HOMEZ: variants seen among roughly 807,000 people sequenced by gnomAD.
HOMEZ encodes the protein homeobox and leucine zipper protein Homez.
In HOMEZ, 20 loss-of-function variants were observed where a neutral mutation model predicts 50.1. The ratio of observed to expected loss-of-function variants is 0.40; its 90% CI spans 0.28 to 0.58. The LOEUF (loss-of-function observed/expected upper bound fraction) is 0.58, where lower values mean the gene tolerates loss of function less well. HOMEZ is among the 20% of genes least tolerant of loss of function. The pLI is 0.46. For synonymous variants in HOMEZ, 239 were observed against 254.7 expected, an observed-to-expected ratio of 0.94 and a Z score of 0.59; for missense variants, 579 against 680.5, an observed-to-expected ratio of 0.85 and a Z score of 1.66.
chr14:23,275,591 A>ACATCAT lies in HOMEZ; in HGVS notation c.1631_1636dup (p.Asp544_Asp545dup), dbSNP rs148005528. 2 of 1,497,932 alleles carry ACATCAT rather than the reference A, an allele frequency of 1.3e-6. No homozygotes were observed. Among genetic ancestry groups the ACATCAT allele is most frequent in the Non-Finnish European group, 1.8e-6 (2 of 1,108,626 alleles). The allele number at this position is 1,497,932 out of a possible 1,614,324, so 92.8% of individuals were successfully genotyped here. On this transcript the variant is annotated inframe_insertion, in exon 2 of 2. Transcript: ENST00000357460. ...GCTCCCCACTCAGTCTTGTATGATC[A>ACATCAT]CATCATCATCATCATCATCATCATC...
chr14:23,285,767 A>C, intron 1 of HOMEZ, 146 bp downstream of exon 1: 1 of 441,860 alleles, frequency 2.3e-6, no homozygotes, highest in Non-Finnish European at 3.8e-6. Flanking sequence ...AGGGGAGGGA[A>C]CCGAAAAGTC....
intron 1 of HOMEZ, among the ~76,000 whole-genome samples, chr14:23,280,901 G>C (rs574794192): frequency 6.6e-6 from 1 of 151,214 alleles, no homozygotes; most frequent in African/African-American, 2.4e-5. Flanking sequence ...AGCCTCCTGA[G>C]TAGCTAGGAC....
chr14:23,280,735 ATTTTATTATT>A lies in HOMEZ; in HGVS notation c.41-3558_41-3549del, dbSNP rs1231606086. Among the ~76,000 whole-genome samples, 708 of 78,446 alleles carry A rather than the reference ATTTTATTATT, an allele frequency of 9.0e-3. 13 individuals carry two copies. Among genetic ancestry groups the A allele is most frequent in the African/African-American group, 0.032 (627 of 19,688 alleles). The allele number at this position is 78,446 out of a possible 152,430, so 51.5% of individuals were successfully genotyped here. On this transcript the variant is annotated intron_variant, in intron 1 of 1. Transcript: ENST00000357460. ...TTTTTATTTTATTTTATTTTATTTTATTTTATTATTTTATTTTATTTTATTTTATTTTATT... is the reference window on the plus strand; with the variant it reads ...TTTTTATTTTATTTTATTTTATTTTATTATTTTATTTTATTTTATTTTATT...
chr14:23,275,560 C>T lies in HOMEZ; in HGVS notation c.*15G>A, dbSNP rs894021733. ...CATCTTTCAGTAACAGACCTCCCCT[C>T]CCCCAGCTCCCCACTCAGTCTTGTA... On this transcript the variant is annotated 3_prime_UTR_variant, in exon 2 of 2. Transcript: ENST00000357460. The T allele has an allele frequency of 4.6e-6, 7 of 1,534,418 alleles. No individual in the cohort carries two copies. The highest frequency in any genetic ancestry group is 5.3e-6 in the Non-Finnish European group (6 of 1,137,388).
chr14:23,283,034 A>C (rs1018465764), intron 1 of HOMEZ, among the ~76,000 whole-genome samples: 1 of 152,244 alleles, frequency 6.6e-6, no homozygotes, highest in Non-Finnish European at 1.5e-5. Context: ...AATCAAAATC[A>C]TAATAAAGAC....
intron 1 of HOMEZ, among the ~76,000 whole-genome samples, chr14:23,281,247 C>T (rs1886549583): frequency 1.3e-5 from 2 of 152,120 alleles, no homozygotes; most frequent in Admixed American, 6.5e-5. Flanking sequence ...TACGTGTCAC[C>T]ATTTCCTTTT....
At chr14:23,280,062 C>G (rs1886456931) in intron 1 of HOMEZ, among the ~76,000 whole-genome samples, 1 of 152,120 alleles carries the variant, frequency 6.6e-6, no homozygotes, top group South Asian at 2.1e-4. Flanking sequence ...GCCCAGCCCC[C>G]CTTTTTTCTT....
At chr14:23,281,317 G>C (rs1886551390) in intron 1 of HOMEZ, among the ~76,000 whole-genome samples, 1 of 152,138 alleles carries the variant, frequency 6.6e-6, no homozygotes, top group Non-Finnish European at 1.5e-5. Context: ...TGCTTGAAGA[G>C]CCCCTTAAGA....
At chr14:23,279,479 G>T (rs562948870) in intron 1 of HOMEZ, among the ~76,000 whole-genome samples, 7 of 152,296 alleles carry the variant, frequency 4.6e-5, no homozygotes, top group Middle Eastern at 3.4e-3. Context: ...GGGGAAAATG[G>T]TTATGGCAGA....
At position 23,272,873 on chromosome 14, in the gene HOMEZ, A is replaced by G; in HGVS notation, c.*2702T>C. On this transcript the variant is annotated 3_prime_UTR_variant, in exon 2 of 2. Coordinates refer to ENST00000357460, the MANE Select transcript of HOMEZ (RefSeq NM_020834.3). ...TGGGATTACCCAGTGGGAGAGAAGC[A>G]TGGACCACTTCTAGATAGATCATCT... is the stretch of plus-strand genomic sequence containing the variant. 1 of 1,544,382 alleles carries G rather than the reference A, an allele frequency of 6.5e-7. No individual in the cohort carries two copies. Among genetic ancestry groups the G allele is most frequent in the Admixed American group, 2.0e-5 (1 of 50,660 alleles).
At position 23,285,012 on chromosome 14, in the gene HOMEZ, T is replaced by C. The variant is rs1207540311; in HGVS notation, c.40+901A>G. 5 of 152,154 alleles carry C rather than the reference T, an allele frequency of 3.3e-5. No individual in the cohort carries two copies. The East Asian group carries it at 5.8e-4, about 18-fold the overall frequency. The allele number at this position is 152,154 out of a possible 1,614,324, so 9.4% of individuals were successfully genotyped here. On this transcript the variant is annotated intron_variant, in intron 1 of 1. Coordinates refer to ENST00000357460, the MANE Select transcript of HOMEZ (RefSeq NM_020834.3). ...CTCAGGGTACAGCCAGGTTTGAGAC[T>C]CCCTGTGTAGTTAATACTGGAAAGA...
rs544617092 is a variant in HOMEZ at position 23,272,588 on chromosome 14, A to G, written c.*2987T>C. On this transcript the variant is annotated 3_prime_UTR_variant, in exon 2 of 2. Coordinates refer to ENST00000357460, the MANE Select transcript of HOMEZ (RefSeq NM_020834.3). ...GATTTTCCAAAATAGTTTAATTTTC[A>G]AATATTCATCCTTATTATTATCACC... 4.9e-4 allele frequency: 256 copies of G among 523,784 alleles called. No individual in the cohort carries two copies. Among genetic ancestry groups the G allele is most frequent in the Admixed American group, 1.1e-3 (32 of 28,392 alleles). The allele number at this position is 523,784 out of a possible 1,614,324, so 32.4% of individuals were successfully genotyped here.
In HOMEZ at chr14:23,275,342, C is replaced by G; in HGVS notation, c.*233G>C. 1.8e-6 allele frequency: 1 copy of G among 555,354 alleles called. No individual in the cohort carries two copies. The allele number at this position is 555,354 out of a possible 1,614,324, so 34.4% of individuals were successfully genotyped here. On this transcript the variant is annotated 3_prime_UTR_variant, in exon 2 of 2. Coordinates refer to ENST00000357460, the MANE Select transcript of HOMEZ (RefSeq NM_020834.3). ...TTCCCCAGATCCTTAGCACTCCCTACCCTAAGGTTAGAGGGTTGGATTTCT... is the reference window on the plus strand; with the variant it reads ...TTCCCCAGATCCTTAGCACTCCCTAGCCTAAGGTTAGAGGGTTGGATTTCT...
At chr14:23,282,591 G>C (rs777655386) in intron 1 of HOMEZ, among the ~76,000 whole-genome samples, 2 of 151,808 alleles carry the variant, frequency 1.3e-5, no homozygotes, top group Non-Finnish European at 2.9e-5. Flanking sequence ...CCTCATTTGT[G>C]TCCTATTATA....
rs1225667708 is a variant in HOMEZ at position 23,273,296 on chromosome 14, T to C, written c.*2279A>G. 6.4e-6 allele frequency: 1 copy of C among 155,532 alleles called. No homozygotes were observed. Among genetic ancestry groups the C allele is most frequent in the Admixed American group, 6.4e-5 (1 of 15,612 alleles). The allele number at this position is 155,532 out of a possible 1,614,324, so 9.6% of individuals were successfully genotyped here. On this transcript the variant is annotated 3_prime_UTR_variant, in exon 2 of 2. Coordinates refer to ENST00000357460, the MANE Select transcript of HOMEZ (RefSeq NM_020834.3). ...TGGATATACTGTCCCATTGCCAATG[T>C]TAACGAGCAATATCTCTGTTCTTTT...
chr14:23,278,301 G>C (rs1015763615), intron 1 of HOMEZ, among the ~76,000 whole-genome samples: 1 of 152,068 alleles, frequency 6.6e-6, no homozygotes, highest in Non-Finnish European at 1.5e-5. Flanking sequence ...GAATCACATA[G>C]TGAAGACTCA....
intron 1 of HOMEZ, among the ~76,000 whole-genome samples, chr14:23,283,493 G>A (rs1360605486): frequency 2.6e-5 from 4 of 152,190 alleles, no homozygotes; most frequent in East Asian, 1.9e-4. Flanking sequence ...AGACAAGAAC[G>A]GACTGTCTTA....
intron 1 of HOMEZ, among the ~76,000 whole-genome samples, chr14:23,278,855 T>C (rs749165303): frequency 4.6e-5 from 7 of 152,134 alleles, no homozygotes; most frequent in Non-Finnish European, 1.0e-4. Context: ...TTTGTATTTT[T>C]AGTAGAGACG....
At chr14:23,279,611 A>G (rs543732021) in intron 1 of HOMEZ, among the ~76,000 whole-genome samples, 4 of 152,228 alleles carry the variant, frequency 2.6e-5, no homozygotes, top group Non-Finnish European at 5.9e-5. Context: ...GTTTAAAAGT[A>G]GAAGGCAAAG....
Sources: gnomAD v4.1 joint callset for allele counts (sites outside exome capture counted in the v4.1 genomes callset) on GRCh38, gnomAD v4.1.1 for gene constraint, MANE v1.5 for transcripts, NCBI Gene and HGNC (gene_info 2026-07-23, HGNC 2026-07-21) for gene names.